The following XDH variants were observed in gnomAD, a reference collection of about 807,000 sequenced individuals.
The protein encoded by XDH is xanthine dehydrogenase/oxidase.
In XDH, 138 loss-of-function variants were observed where a neutral mutation model predicts 156.1. The observed-to-expected ratio is 0.88, with a 90% CI of 0.77 to 1.02. The LOEUF is 1.02. Among genes scored for constraint, XDH ranks in the 50% least tolerant of loss-of-function variants. The probability of loss-of-function intolerance (pLI) is 0.00; values close to 1 mark genes in which losing one functional copy is unlikely to be tolerated. For synonymous variants in XDH, 669 were observed against 625.7 expected (o/e 1.07, Z -1.03); for missense variants, 1,849 against 1,684.9 (o/e 1.10, Z -1.71).
chr2:31,348,395 T>A (rs1685361895), intron 27 of XDH, 32 bp from the exon 28 acceptor site: 1 of 1,604,942 alleles, frequency 6.2e-7, no homozygotes. Flanking sequence ...AGACACAAAA[T>A]TCAGTAAAAT....
intron 1 of XDH, among the ~76,000 whole-genome samples, chr2:31,411,196 T>C (rs1687331903): frequency 6.6e-6 from 1 of 150,758 alleles, no homozygotes. Context: ...GGCAGACAAT[T>C]GCTTGAACCC....
rs796851631 is a variant in XDH at position 31,366,568 on chromosome 2, T to C, written c.2322+302A>G. ...ATGACTTGACCGAGGCCATAGGCACTGAAATGATAACTGCCAACATGTACC... is the reference window on the plus strand; with the variant it reads ...ATGACTTGACCGAGGCCATAGGCACCGAAATGATAACTGCCAACATGTACC... On this transcript the variant is annotated intron_variant, in intron 21 of 35. Transcript: ENST00000379416. 8.5e-5 allele frequency among the ~76,000 whole-genome samples: 13 copies of C among 152,364 alleles called. 1 individual carries two copies. The highest frequency in any genetic ancestry group is 3.1e-4 in the African/African-American group (13 of 41,584).
Position 31,370,272 on chromosome 2 carries a change from G to T in XDH, c.1980+83C>A, listed in dbSNP as rs534954349. The T allele has an allele frequency of 3.3e-6, 5 of 1,515,828 alleles. No individual in the cohort carries two copies. In the East Asian group the frequency reaches 1.1e-4, roughly 34 times the overall value. 93.9% of individuals were successfully genotyped at this position (1,515,828 alleles called of 1,614,324 possible). ...TCCATGCAAATGTATAACCTTTCCA[G>T]ATCAGGAGTTTGGAGCAATGTACAC... On this transcript the variant is annotated intron_variant, in intron 18 of 35. Coordinates refer to ENST00000379416, the MANE Select transcript of XDH (RefSeq NM_000379.4).
chr2:31,407,980 C>T (rs206804), intron 1 of XDH, among the ~76,000 whole-genome samples: 33,323 of 151,966 alleles, frequency 0.22, 3,999 homozygotes, highest in Middle Eastern at 0.3. Context: ...CTTAGCTTAC[C>T]ACCACATTGT....
At chr2:31,391,465 A>G (rs989942871) in intron 6 of XDH, among the ~76,000 whole-genome samples, 1 of 152,108 alleles carries the variant, frequency 6.6e-6, no homozygotes, top group Non-Finnish European at 1.5e-5. Flanking sequence ...TTCTCCTTCA[A>G]TATTGAGTTG....
intron 13 of XDH, among the ~76,000 whole-genome samples, chr2:31,378,832 C>T (rs1194256247): frequency 6.7e-6 from 1 of 149,708 alleles, no homozygotes; most frequent in Non-Finnish European, 1.5e-5. Flanking sequence ...CTGTTTCCTC[C>T]CCACTTTCAT....
intron 6 of XDH, among the ~76,000 whole-genome samples, chr2:31,388,502 G>A (rs1478230523): frequency 1.3e-5 from 2 of 152,130 alleles, no homozygotes; most frequent in East Asian, 1.9e-4. Context: ...AACAACTCAT[G>A]GATAAACAAA....
rs772739492 is a variant in XDH, at chr2:31,368,567, C to T, written c.2074G>A (p.Glu692Lys). 6.2e-7 allele frequency: 1 copy of T among 1,614,046 alleles called. No homozygotes were observed. Among genetic ancestry groups the T allele is most frequent in the Non-Finnish European group, 8.5e-7 (1 of 1,180,038 alleles). The change falls in exon 19 of 36, where the codon GAA becomes AAA. Residue 692 changes from glutamate (E) to lysine (K), a missense_variant. Glu to Lys is a moderately conservative substitution (Grantham distance 56, BLOSUM62 1). Transcript: ENST00000379416. ...AAQGVKITYE[E>K]LPAIITIEDA... The stretch of plus-strand genomic sequence containing the variant: ...TCAATTGTGATAATGGCTGGTAGTT[C>T]TTCATAGGTGATTTTCACCCCTTGG...
chr2:31,342,346 C>T (rs1185058531), intron 31 of XDH, 49 bp from the exon 32 acceptor site: 9 of 1,501,708 alleles, frequency 6.0e-6, no homozygotes, highest in Non-Finnish European at 8.3e-6. Flanking sequence ...ATGAACACAC[C>T]CCCTTCCCTA....
At chr2:31,386,338 G>C (rs1686591979) in intron 9 of XDH, 76 bp downstream of exon 9, 2 of 1,588,378 alleles carry the variant, frequency 1.3e-6, no homozygotes, top group Non-Finnish European at 1.7e-6. Context: ...GTCAGGGGGA[G>C]GTGAGGATGG....
At chr2:31,346,897 C>T in intron 29 of XDH, 54 bp from the exon 30 acceptor site, 1 of 1,611,674 alleles carries the variant, frequency 6.2e-7, no homozygotes. Flanking sequence ...CATTCTGTAG[C>T]CCAGGCAAAA....
At chr2:31,354,537 A>C (rs1451782458) in intron 24 of XDH, among the ~76,000 whole-genome samples, 1 of 152,206 alleles carries the variant, frequency 6.6e-6, no homozygotes, top group Non-Finnish European at 1.5e-5. Context: ...ACTTGACAGA[A>C]ATAAAAAGCT....
At chr2:31,343,484 T>C (rs1222283107) in intron 31 of XDH, among the ~76,000 whole-genome samples, 2 of 119,546 alleles carry the variant, frequency 1.7e-5, no homozygotes, top group East Asian at 2.2e-4. Flanking sequence ...ATAATACATA[T>C]ATATGCCTTA....
chr2:31,387,939 C>A, intron 7 of XDH, 42 bp from the exon 8 acceptor site: 1 of 1,542,232 alleles, frequency 6.5e-7, no homozygotes. Context: ...GTATCTCCTC[C>A]TTTCAAACAC....
chr2:31,378,437 G>A (rs141401219), intron 13 of XDH, among the ~76,000 whole-genome samples: 1 of 152,226 alleles, frequency 6.6e-6, no homozygotes, highest in Non-Finnish European at 1.5e-5. Flanking sequence ...AAATTAGCAG[G>A]TTTAGGGAGA....
At chr2:31,395,208 C>G (rs1229146685) in intron 6 of XDH, among the ~76,000 whole-genome samples, 3 of 152,150 alleles carry the variant, frequency 2.0e-5, no homozygotes, top group Non-Finnish European at 4.4e-5. Flanking sequence ...TAGGATTAGT[C>G]TCAGTTTTTT....
chr2:31,411,646 A>C (rs913338807), intron 1 of XDH, among the ~76,000 whole-genome samples: 2 of 152,186 alleles, frequency 1.3e-5, no homozygotes, highest in South Asian at 4.1e-4. Flanking sequence ...GGATTTCTCA[A>C]AGTTTTAAAA....
intron 1 of XDH, among the ~76,000 whole-genome samples, 169 bp from the exon 2 acceptor site, chr2:31,406,133 T>A (rs1687186405): frequency 6.6e-6 from 1 of 152,226 alleles, no homozygotes; most frequent in East Asian, 1.9e-4. Flanking sequence ...ATCCCCAGTG[T>A]TGAAGGTGGG....
chr2:31,380,508 G>A (rs1686409082), intron 12 of XDH, among the ~76,000 whole-genome samples: 1 of 152,210 alleles, frequency 6.6e-6, no homozygotes, highest in Admixed American at 6.5e-5. Flanking sequence ...AGTAGAGGCT[G>A]CCTATGTGAT....
Sources: allele counts gnomAD v4.1 joint callset (sites outside exome capture counted in the v4.1 genomes callset), GRCh38; gene constraint gnomAD v4.1.1; transcripts MANE v1.5; gene names NCBI Gene and HGNC (gene_info 2026-07-23, HGNC 2026-07-21).